Variants in ONECUT1 observed in about 807,000 individuals in gnomAD.
The protein encoded by ONECUT1 is one cut homeobox 1, also known as hepatocyte nuclear factor 6.
A neutral mutation model predicts 25.6 loss-of-function variants in ONECUT1; 12 were observed. The ratio of observed to expected loss-of-function variants is 0.47; its 90% CI spans 0.30 to 0.76. ONECUT1 has a LOEUF of 0.76. ONECUT1 is among the 30% of genes least tolerant of loss of function. The probability of loss-of-function intolerance (pLI) is 0.07; values close to 1 mark genes in which losing one functional copy is unlikely to be tolerated. For synonymous variants in ONECUT1, 285 were observed against 270.2 expected, an observed-to-expected ratio of 1.05 and a Z score of -0.54; for missense variants, 620 against 651.2, an observed-to-expected ratio of 0.95 and a Z score of 0.52.
Position 52,789,954 on chromosome 15 carries a change from G to A in ONECUT1, c.-70C>T, listed in dbSNP as rs1174584482. On this transcript the variant is annotated 5_prime_UTR_variant, in exon 1 of 2. Transcript: ENST00000305901. The surrounding 1 kb of genome is among the most constrained non-coding windows in gnomAD (Gnocchi z 4.1). ...AGGCAGAGGCGGCGAGGGGCGCACG[G>A]AGTCCGGTCTTCACATCGGCTGCTG... 4.1e-6 allele frequency: 6 copies of A among 1,460,990 alleles called. No individual in the cohort carries two copies. The highest frequency in any genetic ancestry group is 5.4e-6 in the Non-Finnish European group (6 of 1,114,850). 90.5% of individuals were successfully genotyped at this position (1,460,990 alleles called of 1,614,324 possible).
chr15:52,768,561 T>C (rs2083748435), intron 1 of ONECUT1, among the ~76,000 whole-genome samples: 1 of 152,194 alleles, frequency 6.6e-6, no homozygotes, highest in South Asian at 2.1e-4. Flanking sequence ...ATGAATTACA[T>C]GCTTATTTTT....
intron 1 of ONECUT1, among the ~76,000 whole-genome samples, chr15:52,773,655 TG>T (rs893027457): frequency 2.6e-5 from 4 of 152,130 alleles, no homozygotes; most frequent in Non-Finnish European, 2.9e-5. Flanking sequence ...ATTCTAGGAT[TG>T]GGGCAGAATA....
rs369210287 is a variant in ONECUT1 at position 52,789,052 on chromosome 15, G to A, written c.833C>T (p.Ala278Val). The A allele has an allele frequency of 5.6e-6, 9 of 1,603,504 alleles. No homozygotes were observed. Among genetic ancestry groups the A allele is most frequent in the Non-Finnish European group, 7.6e-6 (9 of 1,179,968 alleles). The change falls in exon 1 of 2, where the codon GCG becomes GTG. Residue 278 changes from alanine (A) to valine (V), a missense_variant. Around this residue, in one of 4 missense-constraint regions of ONECUT1, gnomAD observed 146 missense variants for 201.8 expected, o/e 0.72. Transcript: ENST00000305901. This position sits in a 1 kb window ranked among gnomAD's most constrained non-coding sequence, Gnocchi z 4.1. The part of the protein sequence containing the change: ...AREPNPSVTG[A>V]QVSNGSNSGQ... The stretch of plus-strand genomic sequence containing the variant: ...TGAATTACTTCCATTGCTGACCTGC[G>A]CGCCGGTCACCGAAGGGTTGGGCTC...
chr15:52,789,904 C>A lies in ONECUT1; in HGVS notation c.-20G>T, dbSNP rs772948416. The A allele has an allele frequency of 1.3e-6, 2 of 1,509,826 alleles. No individual in the cohort carries two copies. The highest frequency in any genetic ancestry group is 1.3e-5 in the South Asian group (1 of 78,766). The allele number at this position is 1,509,826 out of a possible 1,614,324, so 93.5% of individuals were successfully genotyped here. On this transcript the variant is annotated 5_prime_UTR_variant, in exon 1 of 2. Coordinates refer to ENST00000305901, the MANE Select transcript of ONECUT1 (RefSeq NM_004498.4). The surrounding 1 kb of genome is among the most constrained non-coding windows in gnomAD (Gnocchi z 4.1). ...GTTCATCGTGATCCGGGCGAGCAGG[C>A]GGCGGACACAACATCGATGTGGCCA...
intron 1 of ONECUT1, among the ~76,000 whole-genome samples, chr15:52,769,435 C>A (rs1000405149): frequency 3.9e-5 from 6 of 152,154 alleles, no homozygotes; most frequent in African/African-American, 1.4e-4. Context: ...AATCCCTTTA[C>A]TGGATAGTGA....
At chr15:52,768,708 A>G (rs1037320474) in intron 1 of ONECUT1, among the ~76,000 whole-genome samples, 1 of 152,232 alleles carries the variant, frequency 6.6e-6, no homozygotes. Flanking sequence ...AAAACCTACA[A>G]TCTTGAGTTT....
At chr15:52,777,727 C>A (rs1566992327) in intron 1 of ONECUT1, among the ~76,000 whole-genome samples, 10 of 93,842 alleles carry the variant, frequency 1.1e-4, no homozygotes, top group East Asian at 4.4e-4. Context: ...CACACACACA[C>A]ACACACACAC....
At chr15:52,782,010 C>T (rs2083844300) in intron 1 of ONECUT1, among the ~76,000 whole-genome samples, 1 of 152,142 alleles carries the variant, frequency 6.6e-6, no homozygotes, top group African/African-American at 2.4e-5. Context: ...TATTAAATTG[C>T]CTCATCTAAA....
chr15:52,783,184 T>G (rs1054940611), intron 1 of ONECUT1, among the ~76,000 whole-genome samples: 1 of 152,188 alleles, frequency 6.6e-6, no homozygotes, highest in African/African-American at 2.4e-5. Context: ...ATTGAACGTT[T>G]TAGCTTAATG....
chr15:52,789,038 C>T lies in ONECUT1; in HGVS notation c.847G>A (p.Gly283Arg). The change falls in exon 1 of 2, where the codon GGA (glycine) becomes AGA (arginine). Residue 283 changes from glycine to arginine, a missense_variant. Gly to Arg is a moderately radical substitution (Grantham distance 125, BLOSUM62 -2). This residue lies in a region of ONECUT1 where 146 missense variants were observed against 201.8 expected (regional missense o/e 0.72). Transcript: ENST00000305901. The surrounding 1 kb of genome is among the most constrained non-coding windows in gnomAD (Gnocchi z 4.1). ...TCTTCCATCTGCCCTGAATTACTTC[C>T]ATTGCTGACCTGCGCGCCGGTCACC... ...PSVTGAQVSN[G>R]SNSGQMEEIN... 7.5e-6 allele frequency: 12 copies of T among 1,605,214 alleles called. No homozygotes were observed. The highest frequency in any genetic ancestry group is 1.0e-5 in the Non-Finnish European group (12 of 1,179,984).
intron 1 of ONECUT1, among the ~76,000 whole-genome samples, chr15:52,766,275 T>C (rs2141449705): frequency 6.7e-6 from 1 of 150,154 alleles, no homozygotes; most frequent in African/African-American, 2.4e-5. Flanking sequence ...GTCAGAGAGG[T>C]TAGGCAGCTT....
At chr15:52,783,380 G>A (rs1459871476) in intron 1 of ONECUT1, among the ~76,000 whole-genome samples, 2 of 152,318 alleles carry the variant, frequency 1.3e-5, no homozygotes, top group African/African-American at 2.4e-5. Context: ...TGGGCCTAGC[G>A]CCCTAAGAAA....
Position 52,756,769 on chromosome 15 carries a change from C to G in ONECUT1, c.*786G>C, listed in dbSNP as rs540639380. Among the ~76,000 whole-genome samples the G allele has an allele frequency of 6.6e-6, 1 of 152,130 alleles. No homozygotes were observed. The highest frequency in any genetic ancestry group is 2.1e-4 in the South Asian group (1 of 4,828). Reference sequence around the variant, plus strand: ...TGTATTACAGCTAGATCAGTTCATACGTATAACTTTTCATAGTATCTTGTG... The same window carrying G: ...TGTATTACAGCTAGATCAGTTCATAGGTATAACTTTTCATAGTATCTTGTG... On this transcript the variant is annotated 3_prime_UTR_variant, in exon 2 of 2. Coordinates refer to ENST00000305901, the MANE Select transcript of ONECUT1 (RefSeq NM_004498.4).
intron 1 of ONECUT1, among the ~76,000 whole-genome samples, chr15:52,777,735 C>CAAA (rs1339746053): frequency 4.7e-4 from 43 of 90,938 alleles, no homozygotes; most frequent in African/African-American, 2.5e-3. Context: ...CACACACACA[C>CAAA]ACAAAAAAAC....
chr15:52,767,484 G>A (rs987165728), intron 1 of ONECUT1, among the ~76,000 whole-genome samples: 3 of 152,032 alleles, frequency 2.0e-5, no homozygotes, highest in Admixed American at 6.6e-5. Flanking sequence ...GGTCATTCAC[G>A]CGCATGTGCA....
In ONECUT1 at chr15:52,757,614, C is replaced by T. The variant is rs372308186; in HGVS notation, c.1339G>A (p.Glu447Lys). The T allele has an allele frequency of 3.7e-6, 6 of 1,614,132 alleles. No individual in the cohort carries two copies. Among genetic ancestry groups the T allele is most frequent in the Non-Finnish European group, 5.1e-6 (6 of 1,180,030 alleles). ...RRRSLDKWQD[E>K]GSSNSGNSSS... ...GAGTTGCCTGAATTGGAGCTGCCCTCGTCCTGCCACTTGTCCAGACTCCTC... is the reference window on the plus strand; with the variant it reads ...GAGTTGCCTGAATTGGAGCTGCCCTTGTCCTGCCACTTGTCCAGACTCCTC... The change falls in exon 2 of 2, where the codon GAG becomes AAG. Residue 447 changes from glutamate to lysine, a missense_variant. By Grantham distance (56) the Glu-to-Lys change is moderately conservative. Around this residue, in one of 4 missense-constraint regions of ONECUT1, gnomAD observed 30 missense variants for 25.1 expected, o/e 1.20. Coordinates refer to ENST00000305901, the MANE Select transcript of ONECUT1 (RefSeq NM_004498.4).
chr15:52,757,997 A>C, intron 1 of ONECUT1, 150 bp from the exon 2 acceptor site: 1 of 792,744 alleles, frequency 1.3e-6, no homozygotes, highest in South Asian at 1.8e-5. Flanking sequence ...GGCTGGGAGG[A>C]AAGTGTAATA....
At chr15:52,766,435 G>C (rs972453066) in intron 1 of ONECUT1, among the ~76,000 whole-genome samples, 6 of 152,180 alleles carry the variant, frequency 3.9e-5, no homozygotes, top group Non-Finnish European at 7.3e-5. Flanking sequence ...GGAGCTCAGA[G>C]AACTTGCACC....
chr15:52,775,355 T>C (rs2141456206), intron 1 of ONECUT1, among the ~76,000 whole-genome samples: 1 of 152,214 alleles, frequency 6.6e-6, no homozygotes, highest in South Asian at 2.1e-4. Context: ...GGCAATTTTC[T>C]GGCCAAATAA....
Sources: allele counts gnomAD v4.1 joint callset (sites outside exome capture counted in the v4.1 genomes callset), GRCh38; gene constraint gnomAD v4.1.1; regional missense constraint gnomAD v4.1.1; non-coding constraint Gnocchi (gnomAD v3.1); transcripts MANE v1.5; gene names NCBI Gene and HGNC (gene_info 2026-07-23, HGNC 2026-07-21).